The following MED12L variants were observed in gnomAD, a reference collection of about 807,000 sequenced individuals.
MED12L encodes mediator complex subunit 12L, also known as mediator of RNA polymerase II transcription subunit 12-like protein.
MED12L carries 60 observed loss-of-function variants against 281.3 expected under a neutral mutation model. The ratio of observed to expected loss-of-function variants is 0.21; its 90% CI spans 0.17 to 0.26. MED12L has a LOEUF of 0.26. Among genes scored for constraint, MED12L ranks in the 10% least tolerant of loss-of-function variants. MED12L has a pLI of 1.00. For missense variants in MED12L, 2,146 were observed against 2,680.9 expected (o/e 0.80, Z 4.41); for synonymous variants, 974 against 987.2 (o/e 0.99, Z 0.25).
rs143317193 is a variant in MED12L at position 151,321,240 on chromosome 3, T to C, written c.2251-28819T>C. Among the ~76,000 whole-genome samples, 465 of 152,314 alleles carry C rather than the reference T, an allele frequency of 3.1e-3. 2 individuals are homozygous for C. Among genetic ancestry groups the C allele is most frequent in the African/African-American group, 0.01 (432 of 41,558 alleles). ...TTATAATCTTTTTTGACAGTTTTTT[T>C]CTCCTGTAAAGAAGGAAGTTTGGAC... On this transcript the variant is annotated intron_variant, in intron 16 of 44. Coordinates refer to ENST00000687756, the MANE Select transcript of MED12L (RefSeq NM_001393769.1).
Position 151,434,496 on chromosome 3 carries a change from AAATT to A in MED12L, c.*1696_*1699del, listed in dbSNP as rs1372838462. On this transcript the variant is annotated 3_prime_UTR_variant, in exon 45 of 45. Coordinates refer to ENST00000687756, the MANE Select transcript of MED12L (RefSeq NM_001393769.1). The stretch of plus-strand genomic sequence containing the variant: ...AACATTAAAAACTATTCTTTTCACT[AAATT>A]AATAGTCTATCTGCTTTCAGAAGAT... The A allele has an allele frequency of 1.1e-4, 15 of 142,628 alleles. No homozygotes were observed. The highest frequency in any genetic ancestry group is 2.1e-4 in the Non-Finnish European group (14 of 65,656). The allele number at this position is 142,628 out of a possible 1,614,324, so 8.8% of individuals were successfully genotyped here. A position where few individuals can be genotyped will look rare whatever the true frequency, so the allele number is the denominator to read the frequency against.
At chr3:151,315,345 A>G (rs1716276730) in intron 16 of MED12L, among the ~76,000 whole-genome samples, 2 of 152,300 alleles carry the variant, frequency 1.3e-5, no homozygotes, top group Admixed American at 1.3e-4. Flanking sequence ...CTTTTAACTT[A>G]GTCTTCCTTT....
chr3:151,149,610 G>T (rs1718191447), intron 5 of MED12L, among the ~76,000 whole-genome samples: 1 of 152,134 alleles, frequency 6.6e-6, no homozygotes, highest in African/African-American at 2.4e-5. Flanking sequence ...AAGTCTTAAA[G>T]TAAGACAGTA....
chr3:151,164,128 T>C (rs941049115), intron 9 of MED12L, 86 bp downstream of exon 9: 11 of 1,428,576 alleles, frequency 7.7e-6, no homozygotes, highest in Non-Finnish European at 1.1e-5. Context: ...GGTTTTAGTA[T>C]CTAGATGCTT....
chr3:151,330,476 G>A (rs961916159), intron 16 of MED12L, among the ~76,000 whole-genome samples: 1 of 152,162 alleles, frequency 6.6e-6, no homozygotes, highest in Non-Finnish European at 1.5e-5. Context: ...CTTTTGCATA[G>A]AGAAAGTTGT....
intron 11 of MED12L, among the ~76,000 whole-genome samples, chr3:151,184,118 T>C (rs931781933): frequency 8.5e-5 from 13 of 152,348 alleles, no homozygotes; most frequent in Middle Eastern, 3.4e-3. Flanking sequence ...TTGAGGTATC[T>C]GCCTCAGGTA....
chr3:151,173,112 T>C (rs1721634662), intron 11 of MED12L, among the ~76,000 whole-genome samples: 1 of 152,090 alleles, frequency 6.6e-6, no homozygotes, highest in South Asian at 2.1e-4. Flanking sequence ...GTGTTCTTTT[T>C]AGACAACGAG....
chr3:151,378,254 A>G (rs1711575307), intron 31 of MED12L, 81 bp downstream of exon 31: 1 of 1,336,916 alleles, frequency 7.5e-7, no homozygotes, highest in Non-Finnish European at 9.9e-7. Context: ...CTGTGTGGTC[A>G]CTGTACCCAC....
At chr3:151,394,949 T>A in intron 39 of MED12L, 82 bp downstream of exon 39, 5 of 1,568,946 alleles carry the variant, frequency 3.2e-6, no homozygotes, top group Non-Finnish European at 4.3e-6. Context: ...ATGTAGCATA[T>A]TCTTTCTGTA....
At chr3:151,174,796 C>T (rs750355657) in intron 11 of MED12L, among the ~76,000 whole-genome samples, 11 of 152,094 alleles carry the variant, frequency 7.2e-5, no homozygotes, top group Non-Finnish European at 1.6e-4. Context: ...CAGCTGATTG[C>T]AGCCTTGAAC....
intron 2 of MED12L, among the ~76,000 whole-genome samples, chr3:151,113,820 C>T (rs965968209): frequency 1.3e-5 from 2 of 152,052 alleles, no homozygotes; most frequent in East Asian, 1.9e-4. Flanking sequence ...TTCATCCCAG[C>T]GATTAGCAGT....
chr3:151,304,838 A>G (rs1417936807), intron 16 of MED12L, among the ~76,000 whole-genome samples: 1 of 152,124 alleles, frequency 6.6e-6, no homozygotes, highest in Non-Finnish European at 1.5e-5. Flanking sequence ...CGCAGGGTGG[A>G]GCTGAAGTCG....
Position 151,433,068 on chromosome 3 carries a change from C to G in MED12L, c.*264C>G. 1 of 355,784 alleles carries G rather than the reference C, an allele frequency of 2.8e-6. No homozygotes were observed. The allele number at this position is 355,784 out of a possible 1,614,324, so 22.0% of individuals were successfully genotyped here. On this transcript the variant is annotated 3_prime_UTR_variant, in exon 45 of 45. Coordinates refer to ENST00000687756, the MANE Select transcript of MED12L (RefSeq NM_001393769.1). ...GCAGGCCTACTCCCGGAAGAGTGTGCTAGCAGACCTTTTGAAATTGGTGCT... is the reference window on the plus strand; with the variant it reads ...GCAGGCCTACTCCCGGAAGAGTGTGGTAGCAGACCTTTTGAAATTGGTGCT...
At chr3:151,281,232 C>CAAAAAA (rs35035320) in intron 16 of MED12L, among the ~76,000 whole-genome samples, 2 of 49,940 alleles carry the variant, frequency 4.0e-5, no homozygotes, top group African/African-American at 7.6e-5. Flanking sequence ...ACCAAAAATA[C>CAAAAAA]AAAAAAAAAA....
intron 40 of MED12L, 81 bp downstream of exon 40, chr3:151,409,413 A>G (rs1051990974): frequency 8.3e-6 from 10 of 1,199,480 alleles, no homozygotes; most frequent in Non-Finnish European, 1.1e-5. Context: ...AATAGAATAT[A>G]TCAACTCCCT....
intron 11 of MED12L, among the ~76,000 whole-genome samples, chr3:151,182,864 G>A (rs1473706592): frequency 6.6e-6 from 1 of 152,116 alleles, no homozygotes; most frequent in East Asian, 1.9e-4. Context: ...GGGGCTGGAG[G>A]CATGGGTTTA....
At chr3:151,277,290 A>G (rs1187973741) in intron 16 of MED12L, among the ~76,000 whole-genome samples, 1 of 151,972 alleles carries the variant, frequency 6.6e-6, no homozygotes, top group Non-Finnish European at 1.5e-5. Flanking sequence ...AATTGTATGC[A>G]TGTTTGTATA....
intron 14 of MED12L, among the ~76,000 whole-genome samples, chr3:151,192,117 A>G (rs1293028474): frequency 6.6e-6 from 1 of 152,244 alleles, no homozygotes; most frequent in Admixed American, 6.5e-5. Context: ...AGCAATTACA[A>G]GGCTAAAAAC....
At position 151,365,831 on chromosome 3, in the gene MED12L, T is replaced by A. The variant is rs756812917; in HGVS notation, c.3186-19T>A. 4 of 1,588,158 alleles carry A rather than the reference T, an allele frequency of 2.5e-6. No individual in the cohort carries two copies. The highest frequency in any genetic ancestry group is 4.5e-5 in the East Asian group (2 of 44,610). On this transcript the variant is annotated intron_variant, in intron 22 of 44. Transcript: ENST00000687756. ...CTTTTGTACAAGGTTACTTTCTGTGTCTTCTTTTTCTTTTCTAGGATTAAC... is the reference window on the plus strand; with the variant it reads ...CTTTTGTACAAGGTTACTTTCTGTGACTTCTTTTTCTTTTCTAGGATTAAC...
Sources: allele counts gnomAD v4.1 joint callset (sites outside exome capture counted in the v4.1 genomes callset), GRCh38; gene constraint gnomAD v4.1.1; transcripts MANE v1.5; gene names NCBI Gene and HGNC (gene_info 2026-07-23, HGNC 2026-07-21).